The following SNTG1 variants were observed in gnomAD, a reference collection of about 807,000 sequenced individuals.
The protein encoded by SNTG1 is gamma-1-syntrophin.
In SNTG1, 39 loss-of-function variants were observed where a neutral mutation model predicts 74.7. The observed-to-expected ratio is 0.52, with a 90% confidence interval of 0.40 to 0.68. The LOEUF (loss-of-function observed/expected upper bound fraction) is 0.68. Ranked by LOEUF, SNTG1 falls within the 30% of genes least tolerant of loss-of-function variation. SNTG1 has a pLI of 0.00. For missense variants in SNTG1, 685 were observed against 609.5 expected, an observed-to-expected ratio of 1.12 and a Z score of -1.30; for synonymous variants, 254 against 217.1, an observed-to-expected ratio of 1.17 and a Z score of -1.49.
intron 17 of SNTG1, among the ~76,000 whole-genome samples, chr8:50,729,954 G>A (rs10111045): frequency 6.6e-6 from 1 of 151,896 alleles, no homozygotes; most frequent in Admixed American, 6.6e-5. Context: ...CGAGCAGCTG[G>A]GAGATGGGAG....
intron 1 of SNTG1, among the ~76,000 whole-genome samples, chr8:49,986,350 C>T (rs899980521): frequency 4.5e-4 from 68 of 152,110 alleles, no homozygotes; most frequent in Admixed American, 1.4e-3. Context: ...CATTATGACC[C>T]CCTCTCATAT....
At chr8:50,142,344 T>C (rs888768076) in intron 1 of SNTG1, among the ~76,000 whole-genome samples, 2 of 151,988 alleles carry the variant, frequency 1.3e-5, no homozygotes, top group Non-Finnish European at 2.9e-5. Flanking sequence ...ATAAAGTTTA[T>C]AACAGAGGAG....
chr8:50,157,788 A>C (rs1322778386), intron 1 of SNTG1, among the ~76,000 whole-genome samples: 1 of 152,116 alleles, frequency 6.6e-6, no homozygotes, highest in Non-Finnish European at 1.5e-5. Flanking sequence ...CAGCACTGAG[A>C]CCTTTCCTGT....
intron 8 of SNTG1, among the ~76,000 whole-genome samples, chr8:50,465,735 G>A (rs948651580): frequency 3.2e-4 from 48 of 152,176 alleles, no homozygotes; most frequent in African/African-American, 1.1e-3. Flanking sequence ...TTTTCACTTA[G>A]CAAGGTGCAT....
chr8:50,363,987 T>C (rs2092036995), intron 2 of SNTG1, among the ~76,000 whole-genome samples: 1 of 152,124 alleles, frequency 6.6e-6, no homozygotes. Flanking sequence ...GGTTTGGAGC[T>C]TCATGCCCTG....
intron 17 of SNTG1, among the ~76,000 whole-genome samples, chr8:50,745,162 G>A (rs1361178235): frequency 6.6e-6 from 1 of 151,910 alleles, no homozygotes; most frequent in African/African-American, 2.4e-5. Context: ...GTGATAATGG[G>A]TTAATATCCA....
chr8:50,539,687 GTTCAGC>G (rs2130441695), intron 11 of SNTG1, among the ~76,000 whole-genome samples: 1 of 151,466 alleles, frequency 6.6e-6, no homozygotes, highest in African/African-American at 2.5e-5. Context: ...GAGTATGAAG[GTTCAGC>G]TGTCCATGAC....
At position 50,658,654 on chromosome 8, in the gene SNTG1, G is replaced by T. The variant is rs1389432260; in HGVS notation, c.1029G>T (p.Lys343Asn). 1 of 1,609,626 alleles carries T rather than the reference G, an allele frequency of 6.2e-7. No individual in the cohort carries two copies. The highest frequency in any genetic ancestry group is 8.5e-7 in the Non-Finnish European group (1 of 1,177,008). Residue 343 changes from lysine to asparagine, a missense_variant, in exon 15 of 19, where the codon AAG becomes AAT. Coordinates refer to ENST00000642720, the MANE Select transcript of SNTG1 (RefSeq NM_018967.5). ...KTFSVYEIMC[K>N]ILKDSDLLDR... ...TCTCAGTTTATGAGATTATGTGCAAGATCCTCAAGGTATGATCAATATGTA... is the reference window on the plus strand; with the variant it reads ...TCTCAGTTTATGAGATTATGTGCAATATCCTCAAGGTATGATCAATATGTA...
intron 1 of SNTG1, among the ~76,000 whole-genome samples, chr8:49,935,224 T>TGC (rs1443841274): frequency 6.6e-5 from 10 of 150,446 alleles, no homozygotes; most frequent in African/African-American, 2.2e-4. Flanking sequence ...TGTGTGTGTG[T>TGC]GTGTGTGTGT....
At chr8:50,131,712 A>C (rs574536105) in intron 1 of SNTG1, among the ~76,000 whole-genome samples, 3 of 152,234 alleles carry the variant, frequency 2.0e-5, no homozygotes, top group Admixed American at 2.0e-4. Context: ...CAGAAGTGGG[A>C]TTGCTGGATC....
chr8:50,170,214 C>A (rs2082759296), intron 1 of SNTG1, among the ~76,000 whole-genome samples: 1 of 152,122 alleles, frequency 6.6e-6, no homozygotes, highest in African/African-American at 2.4e-5. Context: ...TTTCACACCT[C>A]AACATTGGTC....
At chr8:49,946,764 C>T (rs1563380889) in intron 1 of SNTG1, among the ~76,000 whole-genome samples, 1 of 152,058 alleles carries the variant, frequency 6.6e-6, no homozygotes, top group Non-Finnish European at 1.5e-5. Flanking sequence ...TTTACCTAGA[C>T]AAAATCTAAA....
At chr8:50,180,536 T>A (rs2083163995) in intron 2 of SNTG1, among the ~76,000 whole-genome samples, 1 of 152,162 alleles carries the variant, frequency 6.6e-6, no homozygotes. Context: ...TATACTTTAA[T>A]CAATTTTATT....
At chr8:49,917,245 T>C (rs571828546) in intron 1 of SNTG1, among the ~76,000 whole-genome samples, 1 of 152,140 alleles carries the variant, frequency 6.6e-6, no homozygotes. Context: ...AGCTATATCC[T>C]TGGTCCTATT....
chr8:50,014,493 G>C (rs560883533), intron 1 of SNTG1, among the ~76,000 whole-genome samples: 102 of 152,062 alleles, frequency 6.7e-4, no homozygotes, highest in African/African-American at 2.1e-3. Context: ...AATACTCTTG[G>C]GTATCTAAAC....
At chr8:50,537,858 C>G (rs2130420451) in intron 11 of SNTG1, among the ~76,000 whole-genome samples, 1 of 152,202 alleles carries the variant, frequency 6.6e-6, no homozygotes, top group Non-Finnish European at 1.5e-5. Flanking sequence ...CACCTTTGTT[C>G]CAATAAAACT....
At chr8:50,068,463 GT>G (rs1326048519) in intron 1 of SNTG1, among the ~76,000 whole-genome samples, 1 of 152,126 alleles carries the variant, frequency 6.6e-6, no homozygotes, top group Non-Finnish European at 1.5e-5. Context: ...TGTCGTCTTT[GT>G]TTGAGTACTC....
intron 15 of SNTG1, among the ~76,000 whole-genome samples, chr8:50,699,599 G>T (rs1411946690): frequency 6.6e-6 from 1 of 152,092 alleles, no homozygotes; most frequent in Non-Finnish European, 1.5e-5. Context: ...GATACTTCTG[G>T]AGAAGTGAGA....
At chr8:50,154,345 A>G (rs1329610949) in intron 1 of SNTG1, among the ~76,000 whole-genome samples, 2 of 152,184 alleles carry the variant, frequency 1.3e-5, no homozygotes, top group Admixed American at 1.3e-4. Flanking sequence ...TCCCTTGGCT[A>G]GGAAAGGGAA....
Sources: allele counts gnomAD v4.1 joint callset (sites outside exome capture counted in the v4.1 genomes callset), GRCh38; gene constraint gnomAD v4.1.1; transcripts MANE v1.5; gene names NCBI Gene and HGNC (gene_info 2026-07-23, HGNC 2026-07-21).